Variants in CNOT9 observed in about 807,000 individuals in gnomAD.
CNOT9 encodes CCR4-NOT transcription complex subunit 9.
Under a neutral mutation model 37.4 loss-of-function variants are expected in CNOT9, and 8 were observed. The observed-to-expected ratio is 0.21, with a 90% confidence interval of 0.13 to 0.39. The LOEUF (loss-of-function observed/expected upper bound fraction) is 0.39. CNOT9 is among the 10% of genes least tolerant of loss of function. The pLI is 1.00. For synonymous variants in CNOT9, 120 were observed against 137.6 expected (o/e 0.87, Z 0.90); for missense variants, 154 against 365.3 (o/e 0.42, Z 4.71).
At chr2:218,577,499 T>C (rs1341608677) in intron 1 of CNOT9, among the ~76,000 whole-genome samples, 1 of 152,144 alleles carries the variant, frequency 6.6e-6, no homozygotes, top group East Asian at 1.9e-4. Flanking sequence ...CCCCCACAAA[T>C]AATCTCACAA....
chr2:218,583,138 T>C (rs750905984), intron 3 of CNOT9, 52 bp downstream of exon 3: 17 of 1,162,680 alleles, frequency 1.5e-5, no homozygotes, highest in Non-Finnish European at 2.2e-5. Context: ...AATATGGTCC[T>C]AAACGTTCTC....
intron 1 of CNOT9, 105 bp from the exon 2 acceptor site, chr2:218,580,456 C>T: frequency 1.1e-6 from 1 of 922,926 alleles, no homozygotes; most frequent in East Asian, 2.7e-5. Flanking sequence ...TAGAAACGCT[C>T]CCCTGGTATT....
chr2:218,584,836 A>T (rs1694535238), intron 4 of CNOT9, 115 bp downstream of exon 4: 2 of 756,144 alleles, frequency 2.6e-6, no homozygotes, highest in Middle Eastern at 2.5e-4. Flanking sequence ...TTTGTCTTTG[A>T]GGTTGTCTCA....
chr2:218,583,251 CTCTCTCT>C (rs1694476213), intron 3 of CNOT9, among the ~76,000 whole-genome samples, 165 bp downstream of exon 3: 1 of 56,970 alleles, frequency 1.8e-5, no homozygotes, highest in East Asian at 1.0e-3. Context: ...CTCTCTCTCT[CTCTCTCT>C]CTCTCTCTCT....
rs1294571633 is a variant in CNOT9, at chr2:218,592,083, A to G, written c.541-221A>G. Among the ~76,000 whole-genome samples, 1 of 152,196 alleles carries G rather than the reference A, an allele frequency of 6.6e-6. No homozygotes were observed. The highest frequency in any genetic ancestry group is 1.5e-5 in the Non-Finnish European group (1 of 68,032). ...GATTTATTATAAAAATAAGATAAGC[A>G]TGTAAAGCCTCTAGAAAAAAAAACT... On this transcript the variant is annotated intron_variant, in intron 5 of 7. Coordinates refer to ENST00000273064, the MANE Select transcript of CNOT9 (RefSeq NM_005444.3). The surrounding 1 kb of genome is among the most constrained non-coding windows in gnomAD (Gnocchi z 4.1).
intron 3 of CNOT9, among the ~76,000 whole-genome samples, chr2:218,583,467 C>G (rs1429842096): frequency 6.6e-6 from 1 of 152,106 alleles, no homozygotes; most frequent in Non-Finnish European, 1.5e-5. Context: ...ATTTTTCCAG[C>G]ACTTTTCCCA....
At chr2:218,574,860 C>T (rs1418042136) in intron 1 of CNOT9, among the ~76,000 whole-genome samples, 1 of 152,076 alleles carries the variant, frequency 6.6e-6, no homozygotes, top group Non-Finnish European at 1.5e-5. Context: ...ATTATGGTAG[C>T]AGTTACTTAG....
intron 1 of CNOT9, among the ~76,000 whole-genome samples, chr2:218,569,631 T>C (rs1693892483): frequency 6.6e-6 from 1 of 152,220 alleles, no homozygotes; most frequent in African/African-American, 2.4e-5. Flanking sequence ...TATGATGTGG[T>C]ACTTAACCCA....
Position 218,583,049 on chromosome 2 carries a change from G to T in CNOT9, c.283G>T (p.Ala95Ser). Residue 95 changes from alanine (A) to serine (S), a missense_variant, in exon 3 of 8, where the codon GCA becomes TCA. Transcript: ENST00000273064. ...HQSNRVCNAL[A>S]LLQCVASHPE... ...GTCTAACAGAGTTTGCAATGCTCTGGCATTACTGCAATGTGTAGCATCACA... is the reference window on the plus strand; with the variant it reads ...GTCTAACAGAGTTTGCAATGCTCTGTCATTACTGCAATGTGTAGCATCACA... 6.2e-7 allele frequency: 1 copy of T among 1,613,814 alleles called. No individual in the cohort carries two copies. Among genetic ancestry groups the T allele is most frequent in the Non-Finnish European group, 8.5e-7 (1 of 1,179,790 alleles).
chr2:218,572,158 TA>T (rs1296638346), intron 1 of CNOT9, among the ~76,000 whole-genome samples: 2 of 148,674 alleles, frequency 1.3e-5, no homozygotes, highest in Non-Finnish European at 3.0e-5. Flanking sequence ...TCATCTCTAC[TA>T]AAAATACAAA....
chr2:218,593,801 G>T, intron 7 of CNOT9: 1 of 1,211,022 alleles, frequency 8.3e-7, no homozygotes, highest in African/African-American at 1.5e-5. Flanking sequence ...TTTCTAACAT[G>T]AGTATTTTGA....
chr2:218,590,051 T>A lies in CNOT9; in HGVS notation c.541-2253T>A, dbSNP rs368189331. ...TGAGTTGGTAGAAATATTGCTTTTTTCTGTTTTTTTTTTTGTTGTTGTTGT... is the reference window on the plus strand; with the variant it reads ...TGAGTTGGTAGAAATATTGCTTTTTACTGTTTTTTTTTTTGTTGTTGTTGT... On this transcript the variant is annotated intron_variant, in intron 5 of 7. Transcript: ENST00000273064. Among the ~76,000 whole-genome samples the A allele has an allele frequency of 5.9e-3, 498 of 84,684 alleles. 6 individuals carry two copies. The highest frequency in any genetic ancestry group is 0.023 in the African/African-American group (454 of 19,376). 55.6% of individuals were successfully genotyped at this position (84,684 alleles called of 152,430 possible). A position where few individuals can be genotyped will look rare whatever the true frequency, so the allele number is the denominator to read the frequency against.
intron 2 of CNOT9, among the ~76,000 whole-genome samples, chr2:218,582,412 C>T (rs778510574): frequency 8.5e-5 from 13 of 152,210 alleles, no homozygotes; most frequent in African/African-American, 2.7e-4. Context: ...CTTCCTAGGC[C>T]GGGCGCAGTG....
Position 218,572,446 on chromosome 2 carries a change from C to T in CNOT9, c.24+3468C>T, listed in dbSNP as rs559779741. 2.4e-3 allele frequency among the ~76,000 whole-genome samples: 362 copies of T among 152,244 alleles called. 1 individual carries two copies. Among genetic ancestry groups the T allele is most frequent in the African/African-American group, 8.5e-3 (352 of 41,534 alleles). On this transcript the variant is annotated intron_variant, in intron 1 of 7. Transcript: ENST00000273064. The stretch of plus-strand genomic sequence containing the variant: ...ATTCCCAAATTAAAGGCTCACACAC[C>T]TATAATCCCAGCACTTTGGGAGGCC...
Position 218,592,953 on chromosome 2 carries a change from A to G in CNOT9, c.731+246A>G, listed in dbSNP as rs562389287. On this transcript the variant is annotated intron_variant, in intron 7 of 7. Transcript: ENST00000273064. The surrounding 1 kb of genome is among the most constrained non-coding windows in gnomAD (Gnocchi z 4.1). ...ATTCCAGAGAGTCTAGGCGATTCCAAAGGAAACCTTATGATGCATTACTCC... is the reference window on the plus strand; with the variant it reads ...ATTCCAGAGAGTCTAGGCGATTCCAGAGGAAACCTTATGATGCATTACTCC... 1.6e-5 allele frequency: 8 copies of G among 504,180 alleles called. No homozygotes were observed. The highest frequency in any genetic ancestry group is 1.4e-4 in the African/African-American group (7 of 51,484). 31.2% of individuals were successfully genotyped at this position (504,180 alleles called of 1,614,324 possible).
intron 1 of CNOT9, chr2:218,573,976 T>C (rs1166963374): frequency 2.3e-6 from 1 of 426,756 alleles, no homozygotes; most frequent in East Asian, 8.2e-5. Context: ...TTTTATTTTA[T>C]TTTATGTTTT....
chr2:218,573,287 G>A (rs1216434472), intron 1 of CNOT9, among the ~76,000 whole-genome samples: 1 of 148,150 alleles, frequency 6.7e-6, no homozygotes, highest in Non-Finnish European at 1.5e-5. Flanking sequence ...CATTGCACTC[G>A]AGCCTGGGCA....
In CNOT9 at chr2:218,583,111, G is replaced by A. The variant is rs138615700; in HGVS notation, c.320+25G>A. On this transcript the variant is annotated intron_variant, in intron 3 of 7. Transcript: ENST00000273064. ...GGTAAATGCTTTGGGTGAGTCACTT[G>A]GGGGAGATATACATTGAATATGGTC... The A allele has an allele frequency of 2.8e-6, 4 of 1,440,200 alleles. No individual in the cohort carries two copies. In the South Asian group the frequency reaches 3.4e-5, roughly 12 times the overall value. 89.2% of individuals were successfully genotyped at this position (1,440,200 alleles called of 1,614,324 possible).
At chr2:218,587,904 A>T (rs1183282703) in intron 5 of CNOT9, among the ~76,000 whole-genome samples, 1 of 152,202 alleles carries the variant, frequency 6.6e-6, no homozygotes, top group Non-Finnish European at 1.5e-5. Context: ...CCAAACCCAC[A>T]TCTCACTCCA....
Sources: gnomAD v4.1 joint callset for allele counts (sites outside exome capture counted in the v4.1 genomes callset) on GRCh38, gnomAD v4.1.1 for gene constraint, Gnocchi (gnomAD v3.1) non-coding constraint, MANE v1.5 for transcripts, NCBI Gene and HGNC (gene_info 2026-07-23, HGNC 2026-07-21) for gene names.